The following SIL1 variants were observed in gnomAD, a reference collection of about 807,000 sequenced individuals.
SIL1 encodes the protein nucleotide exchange factor SIL1.
Under a neutral mutation model 49.1 loss-of-function variants are expected in SIL1, and 40 were observed. That is an observed-to-expected ratio of 0.81 (90% CI 0.63 to 1.06). The LOEUF is 1.06. Among genes scored for constraint, SIL1 ranks in the 50% least tolerant of loss-of-function variants. SIL1 has a pLI of 0.00. For synonymous variants in SIL1, 253 were observed against 250.8 expected, an observed-to-expected ratio of 1.01 and a Z score of -0.08; for missense variants, 500 against 572.6, an observed-to-expected ratio of 0.87 and a Z score of 1.29.
chr5:139,137,833 C>T (rs1751005699), intron 1 of SIL1, among the ~76,000 whole-genome samples: 1 of 151,820 alleles, frequency 6.6e-6, no homozygotes, highest in African/African-American at 2.4e-5. Context: ...CCTACTGGGG[C>T]CCTCTTGTGG....
chr5:138,992,852 C>CA (rs1247655213), intron 7 of SIL1, among the ~76,000 whole-genome samples: 2 of 150,978 alleles, frequency 1.3e-5, no homozygotes, highest in African/African-American at 2.4e-5. Context: ...CACCTGTTCC[C>CA]AAAAAACTAT....
At chr5:139,028,484 C>T (rs1289476306) in intron 5 of SIL1, among the ~76,000 whole-genome samples, 11 of 150,896 alleles carry the variant, frequency 7.3e-5, no homozygotes, top group Admixed American at 2.0e-4. Flanking sequence ...AGCGACAGAG[C>T]GAGACTCCAT....
chr5:139,124,621 G>A (rs1436121188), intron 2 of SIL1, among the ~76,000 whole-genome samples: 1 of 152,182 alleles, frequency 6.6e-6, no homozygotes, highest in African/African-American at 2.4e-5. Flanking sequence ...CTTGAGAGAG[G>A]TTCAATGATA....
chr5:138,949,834 G>GAAA (rs1241027194), intron 9 of SIL1, among the ~76,000 whole-genome samples: 18 of 149,050 alleles, frequency 1.2e-4, no homozygotes, highest in Non-Finnish European at 2.2e-4. Flanking sequence ...GAAAAGAAAA[G>GAAA]AAAAAAGAAA....
chr5:139,198,121 G>A (rs1166969092), intron 1 of SIL1, 148 bp downstream of exon 1: 1 of 152,332 alleles, frequency 6.6e-6, no homozygotes, highest in African/African-American at 2.4e-5. Flanking sequence ...GGCCCACTTG[G>A]ACGTCCCGCT....
intron 3 of SIL1, among the ~76,000 whole-genome samples, chr5:139,078,127 G>C (rs1474998707): frequency 6.6e-6 from 1 of 152,004 alleles, no homozygotes; most frequent in Admixed American, 6.6e-5. Flanking sequence ...ACTTTTCTTT[G>C]ACCAATCTCA....
chr5:139,091,402 G>A (rs1264858965), intron 3 of SIL1, among the ~76,000 whole-genome samples: 1 of 151,972 alleles, frequency 6.6e-6, no homozygotes, highest in Non-Finnish European at 1.5e-5. Flanking sequence ...AAAGACTACA[G>A]ATATAAACAG....
At chr5:139,178,558 A>G (rs1751927079) in intron 1 of SIL1, among the ~76,000 whole-genome samples, 1 of 151,994 alleles carries the variant, frequency 6.6e-6, no homozygotes, top group Non-Finnish European at 1.5e-5. Context: ...CTGCTTCCAG[A>G]GCCTTTGCAA....
At chr5:139,026,685 G>T in intron 6 of SIL1, 116 bp downstream of exon 6, 1 of 942,946 alleles carries the variant, frequency 1.1e-6, no homozygotes. Flanking sequence ...ATTAAAAATA[G>T]TCTGTGCTCT....
chr5:139,050,910 C>T (rs1561842865), intron 4 of SIL1, 28 bp downstream of exon 4: 3 of 1,570,572 alleles, frequency 1.9e-6, no homozygotes. Context: ...ATCACTTAGC[C>T]TCCCAGTCCC....
At chr5:139,185,043 C>T (rs1196343724) in intron 1 of SIL1, among the ~76,000 whole-genome samples, 1 of 152,158 alleles carries the variant, frequency 6.6e-6, no homozygotes, top group Admixed American at 6.5e-5. Context: ...ATAACACCGA[C>T]GAGAAAAAAA....
At chr5:139,097,756 G>T (rs1770501920) in intron 3 of SIL1, among the ~76,000 whole-genome samples, 1 of 152,110 alleles carries the variant, frequency 6.6e-6, no homozygotes, top group African/African-American at 2.4e-5. Context: ...GATTACAGGA[G>T]AGAGCCACCG....
chr5:139,182,009 A>AG (rs1751992026), intron 1 of SIL1, among the ~76,000 whole-genome samples: 1 of 152,136 alleles, frequency 6.6e-6, no homozygotes, highest in South Asian at 2.1e-4. Context: ...AAGGCAGAGA[A>AG]GGGGGTGGAA....
At chr5:139,149,212 C>G (rs909747979) in intron 1 of SIL1, among the ~76,000 whole-genome samples, 1 of 152,212 alleles carries the variant, frequency 6.6e-6, no homozygotes, top group Non-Finnish European at 1.5e-5. Flanking sequence ...ATTTCAACCC[C>G]AGGTGAGCAG....
chr5:139,052,144 T>C (rs777044957), intron 3 of SIL1, among the ~76,000 whole-genome samples: 4 of 152,100 alleles, frequency 2.6e-5, no homozygotes, highest in Non-Finnish European at 5.9e-5. Context: ...AACTCAAGTA[T>C]AGAAGGATAA....
At chr5:139,152,408 G>A (rs547408903) in intron 1 of SIL1, among the ~76,000 whole-genome samples, 3 of 152,166 alleles carry the variant, frequency 2.0e-5, no homozygotes, top group East Asian at 1.9e-4. Context: ...ACTGCCTGAG[G>A]TCAGGAGTTC....
intron 1 of SIL1, among the ~76,000 whole-genome samples, chr5:139,179,956 T>TGAGGTGG (rs1001466664): frequency 6.0e-5 from 9 of 150,820 alleles, no homozygotes; most frequent in African/African-American, 2.2e-4. Flanking sequence ...CTAGGGAGGC[T>TGAGGTGG]GAGGTGGGAG....
chr5:139,001,057 T>C (rs1767973618), intron 7 of SIL1, among the ~76,000 whole-genome samples: 1 of 152,028 alleles, frequency 6.6e-6, no homozygotes, highest in Non-Finnish European at 1.5e-5. Flanking sequence ...ATCTGTATAG[T>C]ATAATTCCAA....
intron 2 of SIL1, among the ~76,000 whole-genome samples, chr5:139,125,051 T>C (rs1412252580): frequency 6.6e-6 from 1 of 152,248 alleles, no homozygotes; most frequent in Non-Finnish European, 1.5e-5. Flanking sequence ...TACCAGCACA[T>C]GCCCTTCCTC....
Sources: gnomAD v4.1 joint callset for allele counts (sites outside exome capture counted in the v4.1 genomes callset) on GRCh38, gnomAD v4.1.1 for gene constraint, MANE v1.5 for transcripts, NCBI Gene and HGNC (gene_info 2026-07-23, HGNC 2026-07-21) for gene names.